Variants in RGS22 observed in about 807,000 individuals in gnomAD.
RGS22 encodes the protein regulator of G protein signaling 22.
A neutral mutation model predicts 172.9 loss-of-function variants in RGS22; 148 were observed. The ratio of observed to expected loss-of-function variants is 0.86; its 90% CI spans 0.75 to 0.98. RGS22 has a LOEUF of 0.98. Ranked by LOEUF, RGS22 falls within the 50% of genes least tolerant of loss-of-function variation. The pLI is 0.00. For missense variants in RGS22, 1,347 were observed against 1,440.8 expected, an observed-to-expected ratio of 0.93 and a Z score of 1.05; for synonymous variants, 458 against 480.2, an observed-to-expected ratio of 0.95 and a Z score of 0.60.
At chr8:99,967,727 C>A (rs1479663526) in intron 23 of RGS22, among the ~76,000 whole-genome samples, 1 of 152,186 alleles carries the variant, frequency 6.6e-6, no homozygotes, top group East Asian at 1.9e-4. Flanking sequence ...AGCCAGCAGC[C>A]CCAGTCAGGG....
chr8:100,086,350 C>T (rs2131946608), intron 3 of RGS22, among the ~76,000 whole-genome samples: 1 of 152,196 alleles, frequency 6.6e-6, no homozygotes, highest in Admixed American at 6.5e-5. Context: ...TCTCAACTTA[C>T]ACTGTTGAAC....
intron 23 of RGS22, among the ~76,000 whole-genome samples, chr8:99,971,611 G>A (rs547405670): frequency 2.4e-4 from 37 of 152,110 alleles, no homozygotes; most frequent in Non-Finnish European, 4.6e-4. Flanking sequence ...AATCATGAGT[G>A]AACTCCCATT....
In RGS22 at chr8:100,006,117, A is replaced by T; in HGVS notation, c.2362-8T>A. On this transcript the variant is annotated splice_region_variant and splice_polypyrimidine_tract_variant and intron_variant, in intron 15 of 27. Coordinates refer to ENST00000360863, the MANE Select transcript of RGS22 (RefSeq NM_015668.5). ...TTCTTCCACCAGCTCCACCTAAAAAAAATAAATAAAGCTTGTGACATCAAG... is the reference window on the plus strand; with the variant it reads ...TTCTTCCACCAGCTCCACCTAAAAATAATAAATAAAGCTTGTGACATCAAG... 1.2e-6 allele frequency: 2 copies of T among 1,607,204 alleles called. No homozygotes were observed. The highest frequency in any genetic ancestry group is 1.7e-6 in the Non-Finnish European group (2 of 1,175,588).
At chr8:99,972,532 A>C (rs1266916535) in intron 23 of RGS22, among the ~76,000 whole-genome samples, 1 of 152,242 alleles carries the variant, frequency 6.6e-6, no homozygotes, top group Non-Finnish European at 1.5e-5. Flanking sequence ...CAGAATCTAC[A>C]AGGAACTTAA....
chr8:100,100,275 T>A (rs1251637993), intron 2 of RGS22, among the ~76,000 whole-genome samples: 4 of 151,578 alleles, frequency 2.6e-5, no homozygotes, highest in Admixed American at 2.6e-4. Flanking sequence ...ATTTTTAAAG[T>A]TTGTATTTTT....
chr8:100,093,590 G>T, intron 2 of RGS22, 81 bp from the exon 3 acceptor site: 2 of 918,282 alleles, frequency 2.2e-6, no homozygotes, highest in Non-Finnish European at 3.4e-6. Context: ...TTTCTGCTAC[G>T]AATTTATTAT....
chr8:100,045,098 G>A (rs567011286), intron 11 of RGS22, among the ~76,000 whole-genome samples: 32 of 150,808 alleles, frequency 2.1e-4, no homozygotes, highest in South Asian at 4.2e-4. Context: ...GCAACATTGA[G>A]AGAACCCATC....
chr8:100,049,520 T>C (rs1821061137), intron 10 of RGS22, among the ~76,000 whole-genome samples: 1 of 152,190 alleles, frequency 6.6e-6, no homozygotes, highest in Admixed American at 6.6e-5. Context: ...ACCCACTCCT[T>C]TGGCATTGTT....
chr8:99,974,308 G>A (rs1009721726), intron 23 of RGS22, among the ~76,000 whole-genome samples: 3 of 152,032 alleles, frequency 2.0e-5, no homozygotes, highest in African/African-American at 7.2e-5. Flanking sequence ...TATCCAACAA[G>A]ACCAATATTA....
intron 22 of RGS22, among the ~76,000 whole-genome samples, chr8:99,979,558 T>A (rs2131191923): frequency 6.6e-6 from 1 of 152,202 alleles, no homozygotes; most frequent in Admixed American, 6.5e-5. Context: ...CCAGTGAAAA[T>A]TTGGCTGAGT....
At chr8:100,053,430 GAGGA>G (rs1240385152) in intron 9 of RGS22, among the ~76,000 whole-genome samples, 17 of 87,498 alleles carry the variant, frequency 1.9e-4, no homozygotes, top group Non-Finnish European at 2.6e-4. Flanking sequence ...CTAAAAAAGG[GAGGA>G]AGGAAGGAAG....
chr8:100,053,009 C>CT, intron 9 of RGS22, 33 bp from the exon 10 acceptor site: 3 of 1,588,624 alleles, frequency 1.9e-6, no homozygotes, highest in Non-Finnish European at 2.6e-6. Flanking sequence ...TAAGATTGAA[C>CT]TAAACAACAA....
In RGS22 at chr8:100,071,610, T is replaced by C. The variant is rs1810987751; in HGVS notation, c.426-73A>G. On this transcript the variant is annotated intron_variant, in intron 5 of 27. Coordinates refer to ENST00000360863, the MANE Select transcript of RGS22 (RefSeq NM_015668.5). ...AGAATTCAGGGAAAAAACCTAAAAT[T>C]TTATGTATTCAAGCCAATCTCCTCT... is the stretch of plus-strand genomic sequence containing the variant. 3.8e-5 allele frequency: 49 copies of C among 1,284,008 alleles called. No individual in the cohort carries two copies. In the South Asian group the frequency reaches 7.1e-4, roughly 19 times the overall value. 79.5% of individuals were successfully genotyped at this position (1,284,008 alleles called of 1,614,324 possible).
intron 23 of RGS22, among the ~76,000 whole-genome samples, chr8:99,968,473 C>A (rs946103805): frequency 2.0e-5 from 3 of 151,934 alleles, no homozygotes; most frequent in Non-Finnish European, 4.4e-5. Context: ...TGCAAGGAAG[C>A]TAAGAACATT....
intron 4 of RGS22, among the ~76,000 whole-genome samples, chr8:100,072,698 C>T (rs374470350): frequency 4.6e-5 from 7 of 151,970 alleles, no homozygotes; most frequent in African/African-American, 1.7e-4. Flanking sequence ...CATCTCCAGG[C>T]GCTCTCTTAC....
chr8:100,047,368 C>T, intron 11 of RGS22, 95 bp downstream of exon 11: 1 of 1,135,208 alleles, frequency 8.8e-7, no homozygotes, highest in Non-Finnish European at 1.2e-6. Flanking sequence ...GTAAAAATAT[C>T]AAAGTACTAG....
intron 20 of RGS22, among the ~76,000 whole-genome samples, chr8:99,995,770 G>A (rs946370621): frequency 6.6e-6 from 1 of 152,118 alleles, no homozygotes; most frequent in Non-Finnish European, 1.5e-5. Flanking sequence ...GGTATATACC[G>A]AAAGTATTAT....
intron 26 of RGS22, 39 bp downstream of exon 26, chr8:99,962,648 G>T (rs1810330249): frequency 1.9e-6 from 3 of 1,566,174 alleles, no homozygotes; most frequent in Non-Finnish European, 2.6e-6. Context: ...CCATCAAAAA[G>T]AAAGAAACAA....
chr8:99,996,743 A>C (rs763605857), intron 19 of RGS22, among the ~76,000 whole-genome samples: 22 of 152,186 alleles, frequency 1.4e-4, no homozygotes, highest in Non-Finnish European at 2.6e-4. Flanking sequence ...AATAGAGATA[A>C]TACTACCCGA....
Sources: gnomAD v4.1 joint callset for allele counts (sites outside exome capture counted in the v4.1 genomes callset) on GRCh38, gnomAD v4.1.1 for gene constraint, MANE v1.5 for transcripts, NCBI Gene and HGNC (gene_info 2026-07-23, HGNC 2026-07-21) for gene names.